Variants in KRT24 observed in about 807,000 individuals in gnomAD.
The protein encoded by KRT24 is keratin, type I cytoskeletal 24.
Under a neutral mutation model 51.7 loss-of-function variants are expected in KRT24, and 44 were observed. The ratio of observed to expected loss-of-function variants is 0.85; its 90% CI spans 0.67 to 1.09. KRT24 has a LOEUF of 1.09. Among genes scored for constraint, KRT24 ranks in the 50% least tolerant of loss-of-function variants. The pLI is 0.00. For missense variants in KRT24, 633 were observed against 647.0 expected (o/e 0.98, Z 0.24); for synonymous variants, 241 against 249.5 (o/e 0.97, Z 0.32).
chr17:40,700,103 T>C lies in KRT24; in HGVS notation c.1038A>G (p.Gln346=). The change falls in exon 5 of 8, where the codon CAA becomes CAG. Residue 346 remains glutamine, a synonymous_variant. Transcript: ENST00000264651. ...TGGCTGCCCCAGCATCAGTGGAGAT[T>C]TGTGCTTGTAGTGATGCGCTCTAAA... ...FNKQSASLQA[Q]ISTDAGAATS... is the part of the protein sequence containing the mutation. The C allele has an allele frequency of 6.2e-7, 1 of 1,614,202 alleles. No individual in the cohort carries two copies. The highest frequency in any genetic ancestry group is 1.7e-5 in the Admixed American group (1 of 60,030).
rs940476396 is a variant in KRT24, at chr17:40,699,414, C to T, written c.1361+30G>A. 8 of 1,552,006 alleles carry T rather than the reference C, an allele frequency of 5.2e-6. No individual in the cohort carries two copies. The East Asian group carries it at 1.6e-4, about 30-fold the overall frequency. On this transcript the variant is annotated intron_variant, in intron 6 of 7. Transcript: ENST00000264651. ...TATAAAATAAATTCACTAAGGTATG[C>T]ATTTTAGTTTGTTCATGACTTTGGT...
In KRT24 at chr17:40,701,943, A is replaced by T. The variant is rs2037688650; in HGVS notation, c.616-10T>A. 6.8e-7 allele frequency: 1 copy of T among 1,468,560 alleles called. No individual in the cohort carries two copies. The highest frequency in any genetic ancestry group is 1.4e-5 in the African/African-American group (1 of 71,684). The allele number at this position is 1,468,560 out of a possible 1,614,324, so 91.0% of individuals were successfully genotyped here. A position where few individuals can be genotyped will look rare whatever the true frequency, so the allele number is the denominator to read the frequency against. On this transcript the variant is annotated splice_polypyrimidine_tract_variant and intron_variant, in intron 1 of 7. Coordinates refer to ENST00000264651, the MANE Select transcript of KRT24 (RefSeq NM_019016.3). ...CAGTGGCAGCAATGATCTAAAAAAG[A>T]TGTTAATAGTGAGTGAATCACGAAT...
chr17:40,703,305 A>T lies in KRT24; in HGVS notation c.389T>A (p.Val130Asp), dbSNP rs1165912923. 6.2e-7 allele frequency: 1 copy of T among 1,614,022 alleles called. No individual in the cohort carries two copies. The highest frequency in any genetic ancestry group is 1.1e-5 in the South Asian group (1 of 91,064). ...YSYGGGMGGG[V>D]GDGGLFSGGE... ...TCCAGAGAAAAGCCCCCCATCGCCA[A>T]CACCACCTCCCATACCACCACCATA... The change falls in exon 1 of 8, where the codon GTT becomes GAT. Residue 130 changes from valine to aspartate, a missense_variant. Coordinates refer to ENST00000264651, the MANE Select transcript of KRT24 (RefSeq NM_019016.3).
In KRT24 at chr17:40,698,106, G is replaced by C; in HGVS notation, c.*131C>G. 1.7e-6 allele frequency: 1 copy of C among 598,624 alleles called. No homozygotes were observed. Among genetic ancestry groups the C allele is most frequent in the South Asian group, 2.2e-5 (1 of 44,972 alleles). The allele number at this position is 598,624 out of a possible 1,614,324, so 37.1% of individuals were successfully genotyped here. On this transcript the variant is annotated 3_prime_UTR_variant, in exon 8 of 8. Transcript: ENST00000264651. ...TAAGAAGATGCAGAAAAGTTGGCTA[G>C]TCATCCATTTCTGGACTGAAGCTTT...
At chr17:40,701,968 T>C (rs759077260) in intron 1 of KRT24, 35 bp from the exon 2 acceptor site, 7 of 1,152,876 alleles carry the variant, frequency 6.1e-6, no homozygotes, top group South Asian at 2.9e-5. Context: ...GAATCACGAA[T>C]GATTTTTACC....
In KRT24 at chr17:40,701,842, G is replaced by A; in HGVS notation, c.698+9C>T. On this transcript the variant is annotated intron_variant, in intron 2 of 7. Coordinates refer to ENST00000264651, the MANE Select transcript of KRT24 (RefSeq NM_019016.3). The stretch of plus-strand genomic sequence containing the variant: ...GTAACACTTGTTTTCAAGTCTTTAT[G>A]TTTCTTACTTCAGTCTGAAGTCATC... 7.6e-7 allele frequency: 1 copy of A among 1,313,796 alleles called. No individual in the cohort carries two copies. Among genetic ancestry groups the A allele is most frequent in the Non-Finnish European group, 1.0e-6 (1 of 993,822 alleles). The allele number at this position is 1,313,796 out of a possible 1,614,324, so 81.4% of individuals were successfully genotyped here.
Position 40,703,208 on chromosome 17 carries a change from C to T in KRT24, c.486G>A (p.Glu162=). ...ANYLDKVRAL[E]EANTDLENKI... ...TGTTCTCCAGATCAGTGTTAGCCTCCTCCAGGGCTCTGACCTTGTCTAGGT... is the reference window on the plus strand; with the variant it reads ...TGTTCTCCAGATCAGTGTTAGCCTCTTCCAGGGCTCTGACCTTGTCTAGGT... The change falls in exon 1 of 8, where the codon GAG becomes GAA. Residue 162 remains glutamate, a synonymous_variant. Coordinates refer to ENST00000264651, the MANE Select transcript of KRT24 (RefSeq NM_019016.3). 6.2e-7 allele frequency: 1 copy of T among 1,614,140 alleles called. No homozygotes were observed. The highest frequency in any genetic ancestry group is 8.5e-7 in the Non-Finnish European group (1 of 1,180,028).
chr17:40,702,778 T>G (rs2037697753), intron 1 of KRT24, among the ~76,000 whole-genome samples: 1 of 152,176 alleles, frequency 6.6e-6, no homozygotes, highest in Non-Finnish European at 1.5e-5. Context: ...CATAAATAAT[T>G]AGATTAAACT....
At chr17:40,700,475 C>T in intron 3 of KRT24, 92 bp from the exon 4 acceptor site, 1 of 865,476 alleles carries the variant, frequency 1.2e-6, no homozygotes, top group Non-Finnish European at 1.7e-6. Context: ...GAAAGTAGGA[C>T]ACTGAAAGGA....
At chr17:40,701,634 G>C (rs1254281054) in intron 2 of KRT24, among the ~76,000 whole-genome samples, 1 of 149,038 alleles carries the variant, frequency 6.7e-6, no homozygotes, top group African/African-American at 2.5e-5. Flanking sequence ...CAGCAGAGAG[G>C]ATCTACCTGC....
Position 40,698,228 on chromosome 17 carries a change from G to A in KRT24, c.*9C>T, listed in dbSNP as rs1279177262. 1.3e-6 allele frequency: 2 copies of A among 1,571,056 alleles called. No homozygotes were observed. The highest frequency in any genetic ancestry group is 8.8e-7 in the Non-Finnish European group (1 of 1,142,304). On this transcript the variant is annotated 3_prime_UTR_variant, in exon 8 of 8. Transcript: ENST00000264651. ...CTTTGAAAGACACTTTTGTTGATCTGGAAGTTCCTTATTTAACTTTCACCT... is the reference window on the plus strand; with the variant it reads ...CTTTGAAAGACACTTTTGTTGATCTAGAAGTTCCTTATTTAACTTTCACCT...
At chr17:40,701,397 G>C (rs1668915026) in intron 2 of KRT24, 101 bp from the exon 3 acceptor site, 1 of 928,620 alleles carries the variant, frequency 1.1e-6, no homozygotes, top group Non-Finnish European at 1.5e-6. Context: ...TCTCACTTGT[G>C]GGCATTTTAA....
chr17:40,701,238 T>G lies in KRT24; in HGVS notation c.757A>C (p.Lys253Gln). 1 of 1,614,082 alleles carries G rather than the reference T, an allele frequency of 6.2e-7. No homozygotes were observed. The highest frequency in any genetic ancestry group is 1.1e-5 in the South Asian group (1 of 91,046). The change falls in exon 3 of 8, where the codon AAA becomes CAA. Residue 253 changes from lysine (K) to glutamine (Q), a missense_variant. Coordinates refer to ENST00000264651, the MANE Select transcript of KRT24 (RefSeq NM_019016.3). Reference protein sequence around the residue: ...SVEADINGLRKVLDDLTMTRS... With the variant: ...SVEADINGLRQVLDDLTMTRS... ...GTCATAGTCAGGTCATCCAGGACTT[T>G]CCGCAGGCCATTGATGTCAGCCTCC...
In KRT24 at chr17:40,699,564, A is replaced by C. The variant is rs1461950719; in HGVS notation, c.1241T>G (p.Ile414Ser). ...QTQISALEEE[I>S]CQIWGETKCQ... ...TTTAGTCTCACCCCAGATCTGGCAG[A>C]TCTCCTCCTCCAGGGCACTGATCTG... is the stretch of plus-strand genomic sequence containing the variant. Residue 414 changes from isoleucine to serine, a missense_variant, in exon 6 of 8, where the codon ATC becomes AGC. Coordinates refer to ENST00000264651, the MANE Select transcript of KRT24 (RefSeq NM_019016.3). The C allele has an allele frequency of 5.6e-6, 9 of 1,613,972 alleles. No homozygotes were observed. The highest frequency in any genetic ancestry group is 7.6e-6 in the Non-Finnish European group (9 of 1,180,002).
chr17:40,703,060 C>G lies in KRT24; in HGVS notation c.615+19G>C. On this transcript the variant is annotated intron_variant, in intron 1 of 7. Coordinates refer to ENST00000264651, the MANE Select transcript of KRT24 (RefSeq NM_019016.3). Reference sequence around the variant, plus strand: ...GAAAGATCCACAAATAATAGAAACTCAGGCACAGATAGTCTCACCTGGTTT... The same window carrying G: ...GAAAGATCCACAAATAATAGAAACTGAGGCACAGATAGTCTCACCTGGTTT... 6.5e-7 allele frequency: 1 copy of G among 1,549,090 alleles called. No homozygotes were observed. The highest frequency in any genetic ancestry group is 8.7e-7 in the Non-Finnish European group (1 of 1,151,876).
intron 5 of KRT24, 89 bp from the exon 6 acceptor site, chr17:40,699,750 G>T: frequency 8.5e-7 from 1 of 1,170,628 alleles, no homozygotes; most frequent in Non-Finnish European, 1.2e-6. Context: ...CACTAGAAGT[G>T]CACCTTCGCC....
At position 40,700,315 on chromosome 17, in the gene KRT24, G is replaced by T; in HGVS notation, c.924C>A (p.Thr308=). 1 of 1,613,964 alleles carries T rather than the reference G, an allele frequency of 6.2e-7. No homozygotes were observed. Among genetic ancestry groups the T allele is most frequent in the African/African-American group, 1.3e-5 (1 of 74,980 alleles). Residue 308 remains threonine (T), a synonymous_variant, in exon 4 of 8, where the codon ACC becomes ACA. Transcript: ENST00000264651. The part of the protein sequence containing the change: ...VTVEMNAAPG[T]DLTKLLNDMR... Reference sequence around the variant, plus strand: ...TGTCATTCAGTAATTTGGTCAGGTCGGTCCCTGGCGCAGCATTCATTTCTA... The same window carrying T: ...TGTCATTCAGTAATTTGGTCAGGTCTGTCCCTGGCGCAGCATTCATTTCTA...
Position 40,699,486 on chromosome 17 carries a change from A to T in KRT24, c.1319T>A (p.Val440Glu). Residue 440 changes from valine (V) to glutamate (E), a missense_variant, in exon 6 of 8, where the codon GTG (valine) becomes GAG (glutamate). Transcript: ENST00000264651. ...CAGGCGGCGGTAGGTCTCGATCTCC[A>T]CCTCCAGGCGTGTCTTGATGTCCAG... ...QLLDIKTRLEVEIETYRRLLD... is the reference protein window; with the variant it reads ...QLLDIKTRLEEEIETYRRLLD... 1 of 1,613,896 alleles carries T rather than the reference A, an allele frequency of 6.2e-7. No individual in the cohort carries two copies. The highest frequency in any genetic ancestry group is 8.5e-7 in the Non-Finnish European group (1 of 1,179,958).
rs1487270593 is a variant in KRT24 at position 40,698,576 on chromosome 17, C to T, written c.1436G>A (p.Gly479Asp). The change falls in exon 7 of 8, where the codon GGT becomes GAT. Residue 479 changes from glycine to aspartate, a missense_variant. Coordinates refer to ENST00000264651, the MANE Select transcript of KRT24 (RefSeq NM_019016.3). ...VNMGSRDLVS[G>D]DSRSGSCSGQ... The stretch of plus-strand genomic sequence containing the variant: ...AGAACAGCTTCCAGATCTTGAGTCA[C>T]CAGATACCAGATCCCTGGATCCCAT... 1 of 1,612,564 alleles carries T rather than the reference C, an allele frequency of 6.2e-7. No homozygotes were observed. Among genetic ancestry groups the T allele is most frequent in the African/African-American group, 1.3e-5 (1 of 74,882 alleles).
Sources: gnomAD v4.1 joint callset for allele counts (sites outside exome capture counted in the v4.1 genomes callset) on GRCh38, gnomAD v4.1.1 for gene constraint, MANE v1.5 for transcripts, NCBI Gene and HGNC (gene_info 2026-07-23, HGNC 2026-07-21) for gene names.